Variants in OR1L6 observed in about 807,000 individuals in gnomAD.
OR1L6 encodes the protein olfactory receptor family 1 subfamily L member 6.
A neutral mutation model predicts 3.0 loss-of-function variants in OR1L6; 2 were observed. The observed-to-expected ratio is 0.68, with a 90% CI of 0.28 to 2.13. OR1L6 has a LOEUF of 2.13. OR1L6 is among the 30% of genes most tolerant of loss of function. The probability of loss-of-function intolerance (pLI) is 0.14; values close to 1 mark genes in which losing one functional copy is unlikely to be tolerated. For missense variants in OR1L6, 304 were observed against 378.4 expected, an observed-to-expected ratio of 0.80 and a Z score of 1.63; for synonymous variants, 121 against 148.4, an observed-to-expected ratio of 0.82 and a Z score of 1.34.
At chr9:122,749,717 A>C (rs758074204) in intron 1 of OR1L6, 118 bp from the exon 2 acceptor site, 1 of 1,014,982 alleles carries the variant, frequency 9.9e-7, no homozygotes, top group East Asian at 2.4e-5. Flanking sequence ...CAAAGAAAAA[A>C]AAAACAACCG....
rs752092858 is a variant in OR1L6, at chr9:122,749,835, G to A, written c.-13G>A. 3 of 1,613,970 alleles carry A rather than the reference G, an allele frequency of 1.9e-6. No individual in the cohort carries two copies. Among genetic ancestry groups the A allele is most frequent in the East Asian group, 4.5e-5 (2 of 44,886 alleles). ...CACTGCTTCTCCAAACCCTATCCAG[G>A]AAGTCCAGAGACATGGAGATAAAGA... On this transcript the variant is annotated splice_region_variant and 5_prime_UTR_variant, in exon 2 of 2. Coordinates refer to ENST00000304720, the MANE Select transcript of OR1L6 (RefSeq NM_001004453.3).
In OR1L6 at chr9:122,750,271, T is replaced by C. The variant is rs754841945; in HGVS notation, c.424T>C (p.Cys142Arg). Residue 142 changes from cysteine (C) to arginine (R), a missense_variant, in exon 2 of 2, where the codon TGC becomes CGC. By Grantham distance (180) the Cys-to-Arg change is radical. This residue lies in a region of OR1L6 where 192 missense variants were observed against 242.7 expected (regional missense o/e 0.79). Transcript: ENST00000304720. Reference protein sequence around the residue: ...HYDVVMKPRHCLLMLLGSCSI... With the variant: ...HYDVVMKPRHRLLMLLGSCSI... ...TGATGTGGTTATGAAACCACGGCAT[T>C]GCCTGCTCATGCTATTGGGTTCTTG... The C allele has an allele frequency of 2.7e-5, 43 of 1,614,084 alleles. No homozygotes were observed. Among genetic ancestry groups the C allele is most frequent in the Non-Finnish European group, 3.4e-5 (40 of 1,180,024 alleles).
At chr9:122,743,538 G>T (rs530255098) in intron 1 of OR1L6, among the ~76,000 whole-genome samples, 1 of 152,304 alleles carries the variant, frequency 6.6e-6, no homozygotes, top group Non-Finnish European at 1.5e-5. Context: ...TCTGTAGGGG[G>T]TCTATGCACC....
At chr9:122,749,727 G>T (rs543940903) in intron 1 of OR1L6, 108 bp from the exon 2 acceptor site, 2 of 1,045,422 alleles carry the variant, frequency 1.9e-6, no homozygotes, top group Non-Finnish European at 2.9e-6. Context: ...AAAAACAACC[G>T]TAACAAAGGG....
chr9:122,747,673 C>T (rs556051481), intron 1 of OR1L6, among the ~76,000 whole-genome samples: 92 of 152,070 alleles, frequency 6.0e-4, no homozygotes, highest in African/African-American at 2.1e-3. Flanking sequence ...TTTCTTAACA[C>T]TGTCAATTGA....
At chr9:122,747,792 T>G (rs1828851183) in intron 1 of OR1L6, among the ~76,000 whole-genome samples, 2 of 152,088 alleles carry the variant, frequency 1.3e-5, no homozygotes, top group Admixed American at 6.5e-5. Context: ...TTTCAGATGA[T>G]TATCTTGGAT....
intron 1 of OR1L6, among the ~76,000 whole-genome samples, chr9:122,742,800 A>G (rs1381342909): frequency 6.6e-6 from 1 of 152,218 alleles, no homozygotes; most frequent in African/African-American, 2.4e-5. Context: ...AGTTGTTGTA[A>G]AGACTAAATG....
In OR1L6 at chr9:122,750,639, G is replaced by A. The variant is rs767029518; in HGVS notation, c.792G>A (p.Leu264=). ...TTATTTATGTCTATTTTAGGCCCCT[G>A]TCCATGTACTCAGTGGTTAGGGACC... ...GSIIYVYFRP[L]SMYSVVRDRV... The change falls in exon 2 of 2, where the codon CTG becomes CTA. Residue 264 remains leucine, a synonymous_variant. Coordinates refer to ENST00000304720, the MANE Select transcript of OR1L6 (RefSeq NM_001004453.3). The A allele has an allele frequency of 6.2e-7, 1 of 1,614,166 alleles. No individual in the cohort carries two copies. The highest frequency in any genetic ancestry group is 2.2e-5 in the East Asian group (1 of 44,880).
At chr9:122,749,409 C>A (rs552478585) in intron 1 of OR1L6, among the ~76,000 whole-genome samples, 34 of 152,128 alleles carry the variant, frequency 2.2e-4, no homozygotes, top group Non-Finnish European at 3.8e-4. Flanking sequence ...AATTGAAAAT[C>A]TTCAGTTTCT....
rs1284440960 is a variant in OR1L6, at chr9:122,750,443, T to C, written c.596T>C (p.Val199Ala). Residue 199 changes from valine to alanine, a missense_variant, in exon 2 of 2, where the codon GTG becomes GCG. Physicochemically the swap from Val to Ala is moderately conservative, Grantham distance 64 (BLOSUM62 0). Coordinates refer to ENST00000304720, the MANE Select transcript of OR1L6 (RefSeq NM_001004453.3). ...SCSDTSSSQM[V>A]VMTETLAVIV... ...TCTGACACATCCTCCAGCCAGATGG[T>C]GGTGATGACTGAGACCTTAGCTGTC... 3 of 1,582,306 alleles carry C rather than the reference T, an allele frequency of 1.9e-6. No individual in the cohort carries two copies. The highest frequency in any genetic ancestry group is 2.6e-6 in the Non-Finnish European group (3 of 1,158,672).
intron 1 of OR1L6, 35 bp from the exon 2 acceptor site, chr9:122,749,800 A>T (rs773196287): frequency 9.4e-6 from 15 of 1,595,020 alleles, no homozygotes; most frequent in Non-Finnish European, 1.1e-5. Context: ...ACTGCCCTTT[A>T]CATCTCTCCC....
intron 1 of OR1L6, among the ~76,000 whole-genome samples, chr9:122,749,135 C>G (rs76490380): frequency 0.054 from 8,254 of 152,214 alleles, 638 homozygotes; most frequent in African/African-American, 0.17. Context: ...TTATACAGCA[C>G]CATGCTATTT....
Sources: allele counts gnomAD v4.1 joint callset (sites outside exome capture counted in the v4.1 genomes callset), GRCh38; gene constraint gnomAD v4.1.1; regional missense constraint gnomAD v4.1.1; transcripts MANE v1.5; gene names NCBI Gene and HGNC (gene_info 2026-07-23, HGNC 2026-07-21).